COP1: variants seen among roughly 807,000 people sequenced by gnomAD.
COP1 encodes the protein COP1 E3 ubiquitin ligase, also known as E3 ubiquitin-protein ligase COP1.
Under a neutral mutation model 101.3 loss-of-function variants are expected in COP1, and 24 were observed. The ratio of observed to expected loss-of-function variants is 0.24; its 90% CI spans 0.17 to 0.33. The LOEUF (loss-of-function observed/expected upper bound fraction) is 0.33, where lower values mean the gene tolerates loss of function less well. Among genes scored for constraint, COP1 ranks in the 10% least tolerant of loss-of-function variants. COP1 has a pLI of 1.00. For synonymous variants in COP1, 347 were observed against 341.9 expected (o/e 1.01, Z -0.17); for missense variants, 663 against 906.2 (o/e 0.73, Z 3.45).
At chr1:176,170,093 C>T (rs1431225272) in intron 3 of COP1, among the ~76,000 whole-genome samples, 1 of 152,220 alleles carries the variant, frequency 6.6e-6, no homozygotes, top group Non-Finnish European at 1.5e-5. Flanking sequence ...GTCACATCTT[C>T]AGGCTCCATT....
chr1:176,073,048 T>A (rs1272890975), intron 11 of COP1, among the ~76,000 whole-genome samples: 1 of 152,220 alleles, frequency 6.6e-6, no homozygotes, highest in Non-Finnish European at 1.5e-5. Context: ...TGTATCCAAA[T>A]CTCAGTTCTG....
intron 11 of COP1, 109 bp downstream of exon 11, chr1:176,081,043 G>A (rs772740613): frequency 7.4e-6 from 7 of 940,116 alleles, no homozygotes; most frequent in Non-Finnish European, 1.1e-5. Context: ...ATAATTGGCA[G>A]GCTACTTCAG....
chr1:176,111,978 T>C (rs1007909815), intron 9 of COP1, among the ~76,000 whole-genome samples: 1 of 152,238 alleles, frequency 6.6e-6, no homozygotes, highest in African/African-American at 2.4e-5. Flanking sequence ...ACCTGTTATT[T>C]AATCCTTAAG....
In COP1 at chr1:176,197,680, C is replaced by T. The variant is rs552806728; in HGVS notation, c.407+8892G>A. ...AAACAATTACCCAATCAAATAAATC[C>T]ATTAACGTACGTTCTTTAAATAGGG... On this transcript the variant is annotated intron_variant, in intron 1 of 19. Coordinates refer to ENST00000367669, the MANE Select transcript of COP1 (RefSeq NM_022457.7). Among the ~76,000 whole-genome samples the T allele has an allele frequency of 1.1e-4, 17 of 152,206 alleles. 1 individual carries two copies. The highest frequency in any genetic ancestry group is 3.4e-4 in the African/African-American group (14 of 41,530).
intron 18 of COP1, 71 bp from the exon 19 acceptor site, chr1:175,947,310 T>C (rs1190081742): frequency 1.1e-6 from 1 of 939,722 alleles, no homozygotes; most frequent in East Asian, 2.4e-5. Context: ...GATAATTTCC[T>C]CTTCATCCTT....
intron 9 of COP1, among the ~76,000 whole-genome samples, chr1:176,088,956 T>C (rs888711251): frequency 1.1e-4 from 16 of 145,178 alleles, no homozygotes; most frequent in African/African-American, 3.1e-4. Flanking sequence ...GGTCGCACCA[T>C]TGCACTCCAG....
At chr1:176,019,043 G>GT (rs575354063) in intron 15 of COP1, among the ~76,000 whole-genome samples, 181 of 152,228 alleles carry the variant, frequency 1.2e-3, no homozygotes, top group African/African-American at 4.3e-3. Flanking sequence ...GTACACACCT[G>GT]TGGTCCCAGC....
chr1:176,027,967 CAGA>C (rs71774101), intron 14 of COP1, among the ~76,000 whole-genome samples: 10,537 of 151,054 alleles, frequency 0.07, 458 homozygotes, highest in Admixed American at 0.087. Context: ...ACAACAATGG[CAGA>C]AGGTGAATGA....
chr1:176,012,787 G>A (rs1664915949), intron 15 of COP1, among the ~76,000 whole-genome samples: 1 of 152,116 alleles, frequency 6.6e-6, no homozygotes, highest in Non-Finnish European at 1.5e-5. Context: ...AAGCTATACA[G>A]GTTTGTAGCC....
At chr1:176,152,364 G>T (rs1163039096) in intron 5 of COP1, among the ~76,000 whole-genome samples, 1 of 152,040 alleles carries the variant, frequency 6.6e-6, no homozygotes, top group Non-Finnish European at 1.5e-5. Context: ...GGGACTGGGA[G>T]TAATGGAACT....
chr1:176,032,736 C>T (rs1668843023), intron 14 of COP1, among the ~76,000 whole-genome samples: 1 of 151,852 alleles, frequency 6.6e-6, no homozygotes, highest in Non-Finnish European at 1.5e-5. Flanking sequence ...TCTTTTATAA[C>T]CTAATTTTAG....
chr1:176,010,924 A>G (rs1289914748), intron 15 of COP1, among the ~76,000 whole-genome samples: 1 of 152,232 alleles, frequency 6.6e-6, no homozygotes, highest in Non-Finnish European at 1.5e-5. Flanking sequence ...AAAATTGTCT[A>G]TATTAACATT....
chr1:175,969,044 C>A (rs1412319915), intron 18 of COP1, among the ~76,000 whole-genome samples: 2 of 152,190 alleles, frequency 1.3e-5, no homozygotes, highest in Non-Finnish European at 2.9e-5. Flanking sequence ...TTTAAGAGAG[C>A]TATTCGCAAA....
At chr1:176,020,856 A>G (rs1199655868) in intron 15 of COP1, among the ~76,000 whole-genome samples, 1 of 152,252 alleles carries the variant, frequency 6.6e-6, no homozygotes, top group Non-Finnish European at 1.5e-5. Context: ...GAGCTAAGGA[A>G]TAAACATAAA....
In COP1 at chr1:175,989,430, C is replaced by A; in HGVS notation, c.1779G>T (p.Met593Ile). The change falls in exon 16 of 20, where the codon ATG (methionine) becomes ATT (isoleucine). Residue 593 changes from methionine (M) to isoleucine (I), a missense_variant. By Grantham distance (10) the Met-to-Ile change is conservative (BLOSUM62 1). This residue lies in a region of COP1 where 209 missense variants were observed against 383.3 expected (regional missense o/e 0.55). Transcript: ENST00000367669. Reference sequence around the variant, plus strand: ...CTGCTTTACGGTGTCCTTTGAATACCATGATTGGCTGTTTAGTGTTACGAA... The same window carrying A: ...CTGCTTTACGGTGTCCTTTGAATACAATGATTGGCTGTTTAGTGTTACGAA... ...YDLRNTKQPI[M>I]VFKGHRKAVS... 1 of 1,610,166 alleles carries A rather than the reference C, an allele frequency of 6.2e-7. No individual in the cohort carries two copies. The highest frequency in any genetic ancestry group is 8.5e-7 in the Non-Finnish European group (1 of 1,176,512).
intron 15 of COP1, among the ~76,000 whole-genome samples, chr1:176,006,648 C>G (rs1213988637): frequency 6.6e-6 from 1 of 152,172 alleles, no homozygotes; most frequent in East Asian, 1.9e-4. Flanking sequence ...GTTGAAAATT[C>G]TTTTCTTTAA....
chr1:176,089,094 A>G (rs1447913084), intron 9 of COP1, among the ~76,000 whole-genome samples: 5 of 151,688 alleles, frequency 3.3e-5, no homozygotes, highest in Non-Finnish European at 7.4e-5. Flanking sequence ...CGAGATCAGA[A>G]GTTCAAGACC....
intron 9 of COP1, among the ~76,000 whole-genome samples, chr1:176,103,207 C>T (rs187428336): frequency 2.0e-4 from 31 of 152,256 alleles, no homozygotes; most frequent in Non-Finnish European, 1.5e-5. Flanking sequence ...TTTTGTTATT[C>T]ACAGCAAGTT....
chr1:176,151,338 GGAAGGAAAGAAAGAA>G (rs1558211294), intron 5 of COP1, among the ~76,000 whole-genome samples: 588 of 97,162 alleles, frequency 6.1e-3, no homozygotes, highest in Middle Eastern at 0.034. Context: ...AAAGAAAGAA[GGAAGGAAAGAAAGAA>G]AAAGAAAGAA....
Sources: gnomAD v4.1 joint callset for allele counts (sites outside exome capture counted in the v4.1 genomes callset) on GRCh38, gnomAD v4.1.1 for gene constraint, gnomAD v4.1.1 regional missense constraint, MANE v1.5 for transcripts, NCBI Gene and HGNC (gene_info 2026-07-23, HGNC 2026-07-21) for gene names.